Variants in GABBR1 observed in about 807,000 individuals in gnomAD.
GABBR1 encodes gamma-aminobutyric acid type B receptor subunit 1.
A neutral mutation model predicts 117.7 loss-of-function variants in GABBR1; 35 were observed. That is an observed-to-expected ratio of 0.30 (90% CI 0.23 to 0.39). The LOEUF is 0.39. Among genes scored for constraint, GABBR1 ranks in the 10% least tolerant of loss-of-function variants. The probability of loss-of-function intolerance (pLI) is 1.00; values close to 1 mark genes in which losing one functional copy is unlikely to be tolerated. For synonymous variants in GABBR1, 442 were observed against 486.6 expected, an observed-to-expected ratio of 0.91 and a Z score of 1.21; for missense variants, 709 against 1,241.8, an observed-to-expected ratio of 0.57 and a Z score of 6.45.
In GABBR1 at chr6:29,606,130, A is replaced by G; in HGVS notation, c.2311+261T>C. On this transcript the variant is annotated intron_variant, in intron 19 of 22. Coordinates refer to ENST00000377034, the MANE Select transcript of GABBR1 (RefSeq NM_001470.4). This position sits in a 1 kb window ranked among gnomAD's most constrained non-coding sequence, Gnocchi z 4.5. ...TAATGTCAAGTCTGGAGGTGGGGTT[A>G]CCCCCACTTGTTCCTCTGCTGAACA... 1.8e-6 allele frequency: 1 copy of G among 558,928 alleles called. No homozygotes were observed. The highest frequency in any genetic ancestry group is 2.6e-5 in the South Asian group (1 of 38,628). 34.6% of individuals were successfully genotyped at this position (558,928 alleles called of 1,614,324 possible).
Position 29,607,092 on chromosome 6 carries a change from A to C in GABBR1, c.2109+10T>G, listed in dbSNP as rs1762039163. On this transcript the variant is annotated intron_variant, in intron 17 of 22. Transcript: ENST00000377034. This position sits in a 1 kb window ranked among gnomAD's most constrained non-coding sequence, Gnocchi z 5.0. ...AGGATCTGGGGGCTGAGGATTGGGCAGCAGCTCACCTTCCTCCACTCCTTC... is the reference window on the plus strand; with the variant it reads ...AGGATCTGGGGGCTGAGGATTGGGCCGCAGCTCACCTTCCTCCACTCCTTC... 2 of 1,611,156 alleles carry C rather than the reference A, an allele frequency of 1.2e-6. No homozygotes were observed. The highest frequency in any genetic ancestry group is 1.7e-5 in the Admixed American group (1 of 59,996).
rs3025639 is a variant in GABBR1, at chr6:29,603,964, A to G, written c.2713-248T>C. On this transcript the variant is annotated intron_variant, in intron 22 of 22. Coordinates refer to ENST00000377034, the MANE Select transcript of GABBR1 (RefSeq NM_001470.4). Reference sequence around the variant, plus strand: ...AAATAAGAGAGAATTTAAAAACAAAAGGAAAAAGTGGGGAAGGAGAGAAAA... The same window carrying G: ...AAATAAGAGAGAATTTAAAAACAAAGGGAAAAAGTGGGGAAGGAGAGAAAA... 7.6e-3 allele frequency among the ~76,000 whole-genome samples: 1,154 copies of G among 152,254 alleles called. 9 individuals carry two copies. Among genetic ancestry groups the G allele is most frequent in the African/African-American group, 0.025 (1,019 of 41,534 alleles).
chr6:29,629,498 T>G (rs988185431), intron 4 of GABBR1, among the ~76,000 whole-genome samples: 1 of 152,202 alleles, frequency 6.6e-6, no homozygotes, highest in Non-Finnish European at 1.5e-5. Context: ...TGTTACCATA[T>G]GAACACATAT....
chr6:29,608,750 G>A lies in GABBR1; in HGVS notation c.1860-17C>T, dbSNP rs750646029. On this transcript the variant is annotated splice_polypyrimidine_tract_variant and intron_variant, in intron 15 of 22. Transcript: ENST00000377034. Reference sequence around the variant, plus strand: ...TGGATATAACTAGGGCAGAGGTGGAGAGGGTGAGAGGGAGAGAGAATTACC... The same window carrying A: ...TGGATATAACTAGGGCAGAGGTGGAAAGGGTGAGAGGGAGAGAGAATTACC... 6.2e-7 allele frequency: 1 copy of A among 1,610,280 alleles called. No homozygotes were observed. The highest frequency in any genetic ancestry group is 8.5e-7 in the Non-Finnish European group (1 of 1,178,594).
chr6:29,630,632 A>C lies in GABBR1; in HGVS notation c.301T>G (p.Ser101Ala), dbSNP rs769667802. 1 of 1,612,620 alleles carries C rather than the reference A, an allele frequency of 6.2e-7. No homozygotes were observed. The highest frequency in any genetic ancestry group is 2.2e-5 in the East Asian group (1 of 44,868). The change falls in exon 4 of 23, where the codon TCC (serine) becomes GCC (alanine). Residue 101 changes from serine to alanine, a missense_variant. Ser to Ala is a moderately conservative substitution (Grantham distance 99, BLOSUM62 1). This residue lies in a region of GABBR1 where 101 missense variants were observed against 132.3 expected (regional missense o/e 0.76). Coordinates refer to ENST00000377034, the MANE Select transcript of GABBR1 (RefSeq NM_001470.4). The surrounding 1 kb of genome is among the most constrained non-coding windows in gnomAD (Gnocchi z 4.9). ...DTPSRCVRIC[S>A]KSYLTLENGK... ...TTTTCCAGGGTCAAATAAGACTTGG[A>C]GCAGATTCGGACTGTGGAGAGATAG...
rs1266786066 is a variant in GABBR1 at position 29,611,105 on chromosome 6, T to C, written c.1631-104A>G. On this transcript the variant is annotated intron_variant, in intron 13 of 22. Coordinates refer to ENST00000377034, the MANE Select transcript of GABBR1 (RefSeq NM_001470.4). This position sits in a 1 kb window ranked among gnomAD's most constrained non-coding sequence, Gnocchi z 4.6. ...TAGAGCTTTGCATGGTTGTATCTGATTTTATTTTCACCTGAGGCCCTAAGG... is the reference window on the plus strand; with the variant it reads ...TAGAGCTTTGCATGGTTGTATCTGACTTTATTTTCACCTGAGGCCCTAAGG... 6 of 894,936 alleles carry C rather than the reference T, an allele frequency of 6.7e-6. No individual in the cohort carries two copies. In the East Asian group the frequency reaches 1.2e-4, roughly 19 times the overall value. The allele number at this position is 894,936 out of a possible 1,614,324, so 55.4% of individuals were successfully genotyped here. A position where few individuals can be genotyped will look rare whatever the true frequency, so the allele number is the denominator to read the frequency against.
rs762117001 is a variant in GABBR1, at chr6:29,606,918, G to A, written c.2196C>T (p.Asp732=). ...VLTLAIWQIV[D]PLHRTIETFA... ...GTACCTCAATGGTCCGGTGCAGAGG[G>A]TCCACGATCTGCCAGATGGCGAGAG... Residue 732 remains aspartate, a synonymous_variant, in exon 18 of 23, where the codon GAC becomes GAT. Transcript: ENST00000377034. This position sits in a 1 kb window ranked among gnomAD's most constrained non-coding sequence, Gnocchi z 4.5. 14 of 1,614,160 alleles carry A rather than the reference G, an allele frequency of 8.7e-6. No individual in the cohort carries two copies. The East Asian group carries it at 3.1e-4, about 36-fold the overall frequency.
Position 29,630,575 on chromosome 6 carries a change from G to A in GABBR1, c.358C>T (p.Pro120Ser). 2 of 1,613,108 alleles carry A rather than the reference G, an allele frequency of 1.2e-6. No homozygotes were observed. Among genetic ancestry groups the A allele is most frequent in the Non-Finnish European group, 8.5e-7 (1 of 1,180,026 alleles). The change falls in exon 4 of 23, where the codon CCA becomes TCA. Residue 120 changes from proline (P) to serine (S), a missense_variant. This residue lies in a region of GABBR1 where 101 missense variants were observed against 132.3 expected (regional missense o/e 0.76). Coordinates refer to ENST00000377034, the MANE Select transcript of GABBR1 (RefSeq NM_001470.4). This position sits in a 1 kb window ranked among gnomAD's most constrained non-coding sequence, Gnocchi z 4.9. ...TCCACCCGGGCTCCGTCCAGAGCTG[G>A]GAGGTCCCCACCCGTCAGGAAAACC... ...GKVFLTGGDL[P>S]ALDGARVDFR...
In GABBR1 at chr6:29,607,516, T is replaced by C. The variant is rs1243014717; in HGVS notation, c.1993-298A>G. On this transcript the variant is annotated intron_variant, in intron 16 of 22. Coordinates refer to ENST00000377034, the MANE Select transcript of GABBR1 (RefSeq NM_001470.4). This position sits in a 1 kb window ranked among gnomAD's most constrained non-coding sequence, Gnocchi z 5.0. The stretch of plus-strand genomic sequence containing the variant: ...ACCACTCCCCAATATCTATAAGTTA[T>C]AGCCTGAACACTTCTGGATATGACA... Among the ~76,000 whole-genome samples, 1 of 152,148 alleles carries C rather than the reference T, an allele frequency of 6.6e-6. No homozygotes were observed. The highest frequency in any genetic ancestry group is 2.1e-4 in the South Asian group (1 of 4,830).
chr6:29,606,134 C>T lies in GABBR1; in HGVS notation c.2311+257G>A, dbSNP rs1761930367. 2 of 559,170 alleles carry T rather than the reference C, an allele frequency of 3.6e-6. No individual in the cohort carries two copies. The highest frequency in any genetic ancestry group is 3.1e-5 in the Admixed American group (1 of 32,414). 34.6% of individuals were successfully genotyped at this position (559,170 alleles called of 1,614,324 possible). On this transcript the variant is annotated intron_variant, in intron 19 of 22. Transcript: ENST00000377034. This position sits in a 1 kb window ranked among gnomAD's most constrained non-coding sequence, Gnocchi z 4.5. ...GTCAAGTCTGGAGGTGGGGTTACCC[C>T]CACTTGTTCCTCTGCTGAACACAAG...
In GABBR1 at chr6:29,604,085, G is replaced by A. The variant is rs1382146295; in HGVS notation, c.2713-369C>T. Among the ~76,000 whole-genome samples, 1 of 152,044 alleles carries A rather than the reference G, an allele frequency of 6.6e-6. No homozygotes were observed. The highest frequency in any genetic ancestry group is 1.5e-5 in the Non-Finnish European group (1 of 67,994). On this transcript the variant is annotated intron_variant, in intron 22 of 22. Coordinates refer to ENST00000377034, the MANE Select transcript of GABBR1 (RefSeq NM_001470.4). The surrounding 1 kb of genome is among the most constrained non-coding windows in gnomAD (Gnocchi z 5.3). ...TTGCACCAGCCCCTAATGACAGCCTGGGGCACAGTGAACGCCTGCCCAGGT... is the reference window on the plus strand; with the variant it reads ...TTGCACCAGCCCCTAATGACAGCCTAGGGCACAGTGAACGCCTGCCCAGGT...
rs1761590750 is a variant in GABBR1 at position 29,603,423 on chromosome 6, G to A, written c.*120C>T. ...CACAGGGGGACATGTATTTACAAGA[G>A]ATGAGATTGGATAGCATGTTCTTCC... On this transcript the variant is annotated 3_prime_UTR_variant, in exon 23 of 23. Transcript: ENST00000377034. 1 of 847,662 alleles carries A rather than the reference G, an allele frequency of 1.2e-6. No homozygotes were observed. The allele number at this position is 847,662 out of a possible 1,614,324, so 52.5% of individuals were successfully genotyped here.
At chr6:29,610,833 G>A in intron 14 of GABBR1, 91 bp downstream of exon 14, 1 of 1,117,898 alleles carries the variant, frequency 8.9e-7, no homozygotes, top group Non-Finnish European at 1.4e-6. Flanking sequence ...CAACCTAACA[G>A]TCTCTACCAT....
rs779134059 is a variant in GABBR1, at chr6:29,627,669, C to G, written c.497-23G>C. ...GTTCTGAGGAGGGGTGCGGGGGGAC[C>G]CGCGAGTGAGGCCGCGGGAGATGGG... On this transcript the variant is annotated intron_variant, in intron 5 of 22. Transcript: ENST00000377034. The surrounding 1 kb of genome is among the most constrained non-coding windows in gnomAD (Gnocchi z 4.4). The G allele has an allele frequency of 1.3e-6, 2 of 1,538,138 alleles. No individual in the cohort carries two copies. Among genetic ancestry groups the G allele is most frequent in the Admixed American group, 2.0e-5 (1 of 51,276 alleles).
At position 29,627,462 on chromosome 6, in the gene GABBR1, A is replaced by AACC. The variant is rs2127443970; in HGVS notation, c.657+23_657+24insGGT. 1.5e-4 allele frequency: 60 copies of AACC among 403,186 alleles called. No homozygotes were observed. Among genetic ancestry groups the AACC allele is most frequent in the East Asian group, 2.5e-4 (4 of 16,222 alleles). The allele number at this position is 403,186 out of a possible 1,614,324, so 25.0% of individuals were successfully genotyped here. ...CCTGCCCCGCAAGCCCCCACCTCCC[A>AACC]CCCACCCCCATGTCCAGGGCTACCT... is the stretch of plus-strand genomic sequence containing the variant. On this transcript the variant is annotated intron_variant, in intron 6 of 22. Coordinates refer to ENST00000377034, the MANE Select transcript of GABBR1 (RefSeq NM_001470.4). This position sits in a 1 kb window ranked among gnomAD's most constrained non-coding sequence, Gnocchi z 4.4.
chr6:29,613,278 G>A lies in GABBR1; in HGVS notation c.1531C>T (p.Arg511Trp). The A allele has an allele frequency of 1.2e-6, 2 of 1,612,938 alleles. No homozygotes were observed. Among genetic ancestry groups the A allele is most frequent in the South Asian group, 1.1e-5 (1 of 91,080 alleles). The change falls in exon 12 of 23, where the codon CGG becomes TGG. Residue 511 changes from arginine to tryptophan, a missense_variant. Arg to Trp is a moderately radical substitution (Grantham distance 101). Coordinates refer to ENST00000377034, the MANE Select transcript of GABBR1 (RefSeq NM_001470.4). This position sits in a 1 kb window ranked among gnomAD's most constrained non-coding sequence, Gnocchi z 4.1. The stretch of plus-strand genomic sequence containing the variant: ...TCAAAGGACGAAGAGTTCATTGCCC[G>A]GTAGATTTGGTCGGTAATGGTCTGG... ...NNQTITDQIY[R>W]AMNSSSFEGV...
At chr6:29,603,907 T>C (rs2127386695) in intron 22 of GABBR1, among the ~76,000 whole-genome samples, 191 bp from the exon 23 acceptor site, 2 of 151,160 alleles carry the variant, frequency 1.3e-5, no homozygotes, top group Admixed American at 1.3e-4. Context: ...CCAGAGAACA[T>C]AAGGATACCG....
chr6:29,602,912 G>C lies in GABBR1; in HGVS notation c.*631C>G, dbSNP rs1490602335. The C allele has an allele frequency of 2.3e-6, 1 of 433,878 alleles. No individual in the cohort carries two copies. Among genetic ancestry groups the C allele is most frequent in the Non-Finnish European group, 4.6e-6 (1 of 217,140 alleles). The allele number at this position is 433,878 out of a possible 1,614,324, so 26.9% of individuals were successfully genotyped here. A position where few individuals can be genotyped will look rare whatever the true frequency, so the allele number is the denominator to read the frequency against. On this transcript the variant is annotated 3_prime_UTR_variant, in exon 23 of 23. Transcript: ENST00000377034. ...ACGGGAAAAGCGTGTGTACACATGAGCATGTTCAGTGGGCACACGCAGGAG... is the reference window on the plus strand; with the variant it reads ...ACGGGAAAAGCGTGTGTACACATGACCATGTTCAGTGGGCACACGCAGGAG...
chr6:29,605,128 T>C lies in GABBR1; in HGVS notation c.2440-140A>G. On this transcript the variant is annotated intron_variant, in intron 20 of 22. Coordinates refer to ENST00000377034, the MANE Select transcript of GABBR1 (RefSeq NM_001470.4). This position sits in a 1 kb window ranked among gnomAD's most constrained non-coding sequence, Gnocchi z 4.2. ...TGAAAAGGATCCAAATTCAGGATCATCCTCAAATATAGATTGAGAAAAATC... is the reference window on the plus strand; with the variant it reads ...TGAAAAGGATCCAAATTCAGGATCACCCTCAAATATAGATTGAGAAAAATC... 1.1e-6 allele frequency: 1 copy of C among 885,632 alleles called. No homozygotes were observed. The highest frequency in any genetic ancestry group is 1.7e-6 in the Non-Finnish European group (1 of 597,824). The allele number at this position is 885,632 out of a possible 1,614,324, so 54.9% of individuals were successfully genotyped here.
Sources: gnomAD v4.1 joint callset for allele counts (sites outside exome capture counted in the v4.1 genomes callset) on GRCh38, gnomAD v4.1.1 for gene constraint, gnomAD v4.1.1 regional missense constraint, Gnocchi (gnomAD v3.1) non-coding constraint, MANE v1.5 for transcripts, NCBI Gene and HGNC (gene_info 2026-07-23, HGNC 2026-07-21) for gene names.